Variants in TSC22D1 observed in about 807,000 individuals in gnomAD.
TSC22D1 encodes the protein TSC22 domain family protein 1.
A neutral mutation model predicts 74.2 loss-of-function variants in TSC22D1; 9 were observed. The ratio of observed to expected loss-of-function variants is 0.12; its 90% CI spans 0.07 to 0.21. The LOEUF (loss-of-function observed/expected upper bound fraction) is 0.21, where lower values mean the gene tolerates loss of function less well. Among genes scored for constraint, TSC22D1 ranks in the 10% least tolerant of loss-of-function variants. The probability of loss-of-function intolerance (pLI) is 1.00; values close to 1 mark genes in which losing one functional copy is unlikely to be tolerated. For synonymous variants in TSC22D1, 586 were observed against 492.5 expected, an observed-to-expected ratio of 1.19 and a Z score of -2.51; for missense variants, 1,427 against 1,304.7, an observed-to-expected ratio of 1.09 and a Z score of -1.44.
intron 1 of TSC22D1, among the ~76,000 whole-genome samples, chr13:44,570,384 G>T (rs987486814): frequency 8.6e-5 from 13 of 151,996 alleles, no homozygotes; most frequent in African/African-American, 3.1e-4. Context: ...TAGAGACAGG[G>T]TTTTGCCATG....
rs7324940 is a variant in TSC22D1, at chr13:44,438,476, T to C, written c.2913-2381A>G. ...GGTTTTCAGAAACTGTCCAAAGTTA[T>C]TAGGAACCAGACCAGATCGGTAAGC... On this transcript the variant is annotated intron_variant, in intron 1 of 2. Transcript: ENST00000458659. 7.1e-3 allele frequency among the ~76,000 whole-genome samples: 1,079 copies of C among 152,302 alleles called. 13 individuals carry two copies. Among genetic ancestry groups the C allele is most frequent in the African/African-American group, 0.024 (1,002 of 41,564 alleles).
intron 1 of TSC22D1, among the ~76,000 whole-genome samples, chr13:44,540,731 C>T (rs1267045337): frequency 6.6e-6 from 1 of 151,998 alleles, no homozygotes; most frequent in Non-Finnish European, 1.5e-5. Context: ...AAATAGTTAG[C>T]TTTATTATAG....
Position 44,560,268 on chromosome 13 carries a change from T to TA in TSC22D1, c.2912+12894dup, listed in dbSNP as rs545481249. Among the ~76,000 whole-genome samples, 27 of 151,836 alleles carry TA rather than the reference T, an allele frequency of 1.8e-4. 1 individual carries two copies. The South Asian group carries it at 5.0e-3, about 28-fold the overall frequency. On this transcript the variant is annotated intron_variant, in intron 1 of 2. Transcript: ENST00000458659. ...AACATGGTGAAACCTCGTCTCTTTT[T>TA]AAAAAAATAAAAAGGTAATTAATAA...
In TSC22D1 at chr13:44,436,029, T is replaced by G. The variant is rs1874583975; in HGVS notation, c.2964+15A>C. ...TGCCCACATTTAGTATAAATGATTT[T>G]TCATCAGTACATACCATAGCTTGCT... On this transcript the variant is annotated intron_variant, in intron 2 of 2. Coordinates refer to ENST00000458659, the MANE Select transcript of TSC22D1 (RefSeq NM_183422.4). The G allele has an allele frequency of 1.2e-6, 2 of 1,612,512 alleles. No homozygotes were observed. The highest frequency in any genetic ancestry group is 4.5e-5 in the East Asian group (2 of 44,860).
At position 44,563,465 on chromosome 13, in the gene TSC22D1, C is replaced by T. The variant is rs542344610; in HGVS notation, c.2912+9698G>A. Among the ~76,000 whole-genome samples the T allele has an allele frequency of 5.9e-5, 9 of 152,302 alleles. No homozygotes were observed. The East Asian group carries it at 1.7e-3, about 29-fold the overall frequency. On this transcript the variant is annotated intron_variant, in intron 1 of 2. Coordinates refer to ENST00000458659, the MANE Select transcript of TSC22D1 (RefSeq NM_183422.4). ...CCCACTTCAATCCAAACTACAGATT[C>T]CTTTTACACTAATCTTCCCTGAACA...
chr13:44,512,070 T>A (rs1879749719), intron 1 of TSC22D1, among the ~76,000 whole-genome samples: 1 of 152,236 alleles, frequency 6.6e-6, no homozygotes, highest in African/African-American at 2.4e-5. Context: ...ACCATCAACA[T>A]CTTCATTTCA....
intron 1 of TSC22D1, among the ~76,000 whole-genome samples, chr13:44,500,939 G>A (rs1742136505): frequency 2.0e-5 from 3 of 152,066 alleles, no homozygotes; most frequent in African/African-American, 4.8e-5. Context: ...TCCTGCCTTC[G>A]CCTCCCAAAG....
intron 1 of TSC22D1, among the ~76,000 whole-genome samples, chr13:44,532,755 G>C (rs965406178): frequency 2.0e-5 from 3 of 152,118 alleles, no homozygotes; most frequent in Non-Finnish European, 4.4e-5. Context: ...TTACAGGCGT[G>C]AGCCACCACA....
intron 1 of TSC22D1, among the ~76,000 whole-genome samples, chr13:44,502,003 C>A (rs76346858): frequency 6.6e-6 from 1 of 152,148 alleles, no homozygotes; most frequent in African/African-American, 2.4e-5. Context: ...CACATCTTAT[C>A]CTACATGGTT....
chr13:44,504,042 A>C lies in TSC22D1; in HGVS notation c.2913-67947T>G, dbSNP rs557925017. On this transcript the variant is annotated intron_variant, in intron 1 of 2. Transcript: ENST00000458659. ...TTTTAAGTCATGATTACTTAATGGG[A>C]ATTTGAGCTATGTGTTAATTTCATA... 2.0e-5 allele frequency among the ~76,000 whole-genome samples: 3 copies of C among 152,080 alleles called. No individual in the cohort carries two copies. The South Asian group carries it at 6.2e-4, about 32-fold the overall frequency.
Position 44,434,499 on chromosome 13 carries a change from TGTCA to T in TSC22D1, c.*123_*126del, listed in dbSNP as rs563267238. The T allele has an allele frequency of 1.4e-6, 2 of 1,424,344 alleles. No individual in the cohort carries two copies. The highest frequency in any genetic ancestry group is 1.7e-5 in the South Asian group (1 of 59,846). 88.2% of individuals were successfully genotyped at this position (1,424,344 alleles called of 1,614,324 possible). On this transcript the variant is annotated 3_prime_UTR_variant, in exon 3 of 3. Transcript: ENST00000458659. Reference sequence around the variant, plus strand: ...ATACTGGAAAAGAGATAATGGCATATGTCAGTCTCACGTCTCTTTCGCAGCGAGC... The same window carrying T: ...ATACTGGAAAAGAGATAATGGCATATGTCTCACGTCTCTTTCGCAGCGAGC...
At chr13:44,512,093 A>T (rs1413117246) in intron 1 of TSC22D1, among the ~76,000 whole-genome samples, 1 of 152,180 alleles carries the variant, frequency 6.6e-6, no homozygotes, top group Non-Finnish European at 1.5e-5. Context: ...ATTGTATCCC[A>T]ATCTTCAAAC....
At chr13:44,479,322 ATTTT>A (rs35004474) in intron 1 of TSC22D1, among the ~76,000 whole-genome samples, 4 of 134,102 alleles carry the variant, frequency 3.0e-5, no homozygotes, top group African/African-American at 5.6e-5. Context: ...TCTTTCTGTG[ATTTT>A]TTTTTTTTTT....
At chr13:44,536,499 G>A (rs1259328640) in intron 1 of TSC22D1, among the ~76,000 whole-genome samples, 1 of 151,812 alleles carries the variant, frequency 6.6e-6, no homozygotes, top group Non-Finnish European at 1.5e-5. Context: ...AAGAGACTAT[G>A]AGGCCAAGAT....
chr13:44,519,450 T>TG (rs1378366210), intron 1 of TSC22D1, among the ~76,000 whole-genome samples: 5 of 151,916 alleles, frequency 3.3e-5, no homozygotes, highest in Non-Finnish European at 5.9e-5. Context: ...GTATACAAAA[T>TG]GGAGTATACA....
intron 1 of TSC22D1, among the ~76,000 whole-genome samples, chr13:44,483,383 C>T (rs1878272070): frequency 6.6e-6 from 1 of 152,036 alleles, no homozygotes; most frequent in Non-Finnish European, 1.5e-5. Flanking sequence ...AATTATGGGC[C>T]GGGTGCGGTG....
Position 44,573,445 on chromosome 13 carries a change from A to G in TSC22D1, c.2630T>C (p.Leu877Ser), listed in dbSNP as rs552229438. ...AGGCAAATTTGTATTAGTTGCTATC[A>G]AGGGAGGTTGACTAACACTTTGAAC... ...NLVQSVSQPP[L>S]IATNTNLPLA... Residue 877 changes from leucine (L) to serine (S), a missense_variant, in exon 1 of 3, where the codon TTG becomes TCG. Leu to Ser is a moderately radical substitution (Grantham distance 145). This residue lies in a region of TSC22D1 where 1,343 missense variants were observed against 1,191.5 expected (regional missense o/e 1.13). Transcript: ENST00000458659. 4 of 1,614,234 alleles carry G rather than the reference A, an allele frequency of 2.5e-6. No individual in the cohort carries two copies. Among genetic ancestry groups the G allele is most frequent in the East Asian group, 4.5e-5 (2 of 44,888 alleles).
At chr13:44,550,911 G>C (rs1882192460) in intron 1 of TSC22D1, among the ~76,000 whole-genome samples, 1 of 151,622 alleles carries the variant, frequency 6.6e-6, no homozygotes, top group African/African-American at 2.4e-5. Flanking sequence ...CTGTACTCCA[G>C]CCTGGGTGAC....
intron 1 of TSC22D1, among the ~76,000 whole-genome samples, chr13:44,477,564 G>A (rs1877975460): frequency 6.6e-6 from 1 of 151,712 alleles, no homozygotes. Context: ...TGGATCTCAG[G>A]AAGTTCCTTC....
Sources: gnomAD v4.1 joint callset for allele counts (sites outside exome capture counted in the v4.1 genomes callset) on GRCh38, gnomAD v4.1.1 for gene constraint, gnomAD v4.1.1 regional missense constraint, MANE v1.5 for transcripts, NCBI Gene and HGNC (gene_info 2026-07-23, HGNC 2026-07-21) for gene names.